GDAP2: variants seen among roughly 807,000 people sequenced by gnomAD.
GDAP2 encodes ganglioside-induced differentiation-associated protein 2.
A neutral mutation model predicts 67.0 loss-of-function variants in GDAP2; 51 were observed. The observed-to-expected ratio is 0.76, with a 90% CI of 0.61 to 0.96. The LOEUF is 0.96. Ranked by LOEUF, GDAP2 falls within the 40% of genes least tolerant of loss-of-function variation. The probability of loss-of-function intolerance (pLI) is 0.00; values close to 1 mark genes in which losing one functional copy is unlikely to be tolerated. For missense variants in GDAP2, 547 were observed against 588.3 expected, an observed-to-expected ratio of 0.93 and a Z score of 0.73; for synonymous variants, 203 against 207.3, an observed-to-expected ratio of 0.98 and a Z score of 0.18.
At chr1:117,887,212 G>A (rs1474037625) in intron 9 of GDAP2, among the ~76,000 whole-genome samples, 1 of 152,062 alleles carries the variant, frequency 6.6e-6, no homozygotes, top group Non-Finnish European at 1.5e-5. Flanking sequence ...TTACAGATAT[G>A]AGCCACGATG....
Position 117,864,306 on chromosome 1 carries a change from C to T in GDAP2, c.*6263G>A, listed in dbSNP as rs188183285. On this transcript the variant is annotated 3_prime_UTR_variant, in exon 14 of 14. Transcript: ENST00000369443. ...CCAGTTCTACATTAGTGGTGGAAGG[C>T]TTATGGAGAACAGAGGCTGTTTTAA... The T allele has an allele frequency of 3.3e-5, 5 of 152,264 alleles. No individual in the cohort carries two copies. Among genetic ancestry groups the T allele is most frequent in the Non-Finnish European group, 7.3e-5 (5 of 68,036 alleles). The allele number at this position is 152,264 out of a possible 1,614,324, so 9.4% of individuals were successfully genotyped here.
chr1:117,894,234 C>T (rs889006244), intron 8 of GDAP2, among the ~76,000 whole-genome samples: 2 of 152,044 alleles, frequency 1.3e-5, no homozygotes, highest in African/African-American at 4.8e-5. Flanking sequence ...CCACCACCTC[C>T]TGGGCTCCTC....
At chr1:117,920,454 T>C (rs561795863) in intron 1 of GDAP2, 30 bp from the exon 2 acceptor site, 3 of 736,878 alleles carry the variant, frequency 4.1e-6, no homozygotes, top group South Asian at 4.2e-5. Context: ...ATCACTTTAA[T>C]AGAGAAGCAC....
Position 117,884,647 on chromosome 1 carries a change from T to C in GDAP2, c.1108-1020A>G, listed in dbSNP as rs900937515. Among the ~76,000 whole-genome samples, 8 of 152,154 alleles carry C rather than the reference T, an allele frequency of 5.3e-5. 1 individual carries two copies. The highest frequency in any genetic ancestry group is 4.6e-4 in the Admixed American group (7 of 15,250). Reference sequence around the variant, plus strand: ...TACAGGAAATGATACATCATGAATATCCAGAACCCCATGCAAGTACACACC... The same window carrying C: ...TACAGGAAATGATACATCATGAATACCCAGAACCCCATGCAAGTACACACC... On this transcript the variant is annotated intron_variant, in intron 10 of 13. Coordinates refer to ENST00000369443, the MANE Select transcript of GDAP2 (RefSeq NM_017686.4).
intron 4 of GDAP2, among the ~76,000 whole-genome samples, 191 bp from the exon 5 acceptor site, chr1:117,912,273 G>C (rs534992153): frequency 1.1e-3 from 162 of 152,160 alleles, no homozygotes; most frequent in African/African-American, 3.9e-3. Flanking sequence ...CTCTTTGGAG[G>C]ATATATATCT....
intron 5 of GDAP2, among the ~76,000 whole-genome samples, chr1:117,907,844 T>C (rs1354298803): frequency 6.6e-6 from 1 of 152,134 alleles, no homozygotes; most frequent in Non-Finnish European, 1.5e-5. Context: ...GTTACCCTTT[T>C]TAATAAACAC....
Position 117,906,535 on chromosome 1 carries a change from C to T in GDAP2, c.607G>A (p.Val203Ile). 6.3e-7 allele frequency: 1 copy of T among 1,579,310 alleles called. No homozygotes were observed. Among genetic ancestry groups the T allele is most frequent in the Non-Finnish European group, 8.7e-7 (1 of 1,151,266 alleles). ...TCAAGATCAGAGACAGCAAATACTA[C>T]TTTTTCAATGGTTTCCCCATGAATC... ...LEIHGETIEK[V>I]VFAVSDLEEG... Residue 203 changes from valine (V) to isoleucine (I), a missense_variant, in exon 6 of 14, where the codon GTA becomes ATA. Physicochemically the swap from Val to Ile is conservative, Grantham distance 29. Coordinates refer to ENST00000369443, the MANE Select transcript of GDAP2 (RefSeq NM_017686.4).
chr1:117,866,455 T>C lies in GDAP2; in HGVS notation c.*4114A>G, dbSNP rs1288323081. On this transcript the variant is annotated 3_prime_UTR_variant, in exon 14 of 14. Coordinates refer to ENST00000369443, the MANE Select transcript of GDAP2 (RefSeq NM_017686.4). ...AGCCCTCCTTTCATTCTTCATGGTC[T>C]TTTTGCAAAACAAGAGTTAATTATA... 6.6e-6 allele frequency: 1 copy of C among 152,318 alleles called. No individual in the cohort carries two copies. The highest frequency in any genetic ancestry group is 1.5e-5 in the Non-Finnish European group (1 of 68,024). 9.4% of individuals were successfully genotyped at this position (152,318 alleles called of 1,614,324 possible). A position where few individuals can be genotyped will look rare whatever the true frequency, so the allele number is the denominator to read the frequency against.
At chr1:117,871,069 T>C (rs1648242751) in intron 13 of GDAP2, among the ~76,000 whole-genome samples, 1 of 152,214 alleles carries the variant, frequency 6.6e-6, no homozygotes, top group Non-Finnish European at 1.5e-5. Context: ...TGTTAGATTG[T>C]GTTGTCTTAC....
chr1:117,910,441 T>TTATAAAATATACAAATTTAC (rs1649812570), intron 5 of GDAP2, among the ~76,000 whole-genome samples: 1 of 152,186 alleles, frequency 6.6e-6, no homozygotes, highest in Non-Finnish European at 1.5e-5. Flanking sequence ...ATAAGCTTAA[T>TTATAAAATATACAAATTTAC]TATAAAATAT....
chr1:117,886,847 G>T (rs889590767), intron 9 of GDAP2, among the ~76,000 whole-genome samples, 194 bp from the exon 10 acceptor site: 5 of 152,084 alleles, frequency 3.3e-5, no homozygotes, highest in Non-Finnish European at 7.4e-5. Flanking sequence ...CTTCATGAGG[G>T]TTTTGATCAC....
chr1:117,885,920 T>C (rs908291060), intron 10 of GDAP2, among the ~76,000 whole-genome samples: 2 of 152,162 alleles, frequency 1.3e-5, no homozygotes, highest in Non-Finnish European at 2.9e-5. Flanking sequence ...TCAGGGCCTA[T>C]AGCTACTTCC....
At chr1:117,880,512 A>G (rs780383837) in intron 12 of GDAP2, among the ~76,000 whole-genome samples, 13 of 152,182 alleles carry the variant, frequency 8.5e-5, no homozygotes, top group Admixed American at 5.9e-4. Context: ...ATACTAAACA[A>G]TTTTGGTCGT....
intron 5 of GDAP2, among the ~76,000 whole-genome samples, chr1:117,908,437 A>G (rs1017428026): frequency 5.3e-5 from 8 of 152,082 alleles, no homozygotes; most frequent in Non-Finnish European, 1.0e-4. Context: ...GACTAAACAA[A>G]CACTCATAAC....
At chr1:117,885,535 G>A (rs1246318278) in intron 10 of GDAP2, among the ~76,000 whole-genome samples, 1 of 152,150 alleles carries the variant, frequency 6.6e-6, no homozygotes, top group Non-Finnish European at 1.5e-5. Context: ...AAGGGTCACA[G>A]AATATCCTAT....
At chr1:117,883,650 A>C (rs1267222862) in intron 10 of GDAP2, 23 bp from the exon 11 acceptor site, 2 of 1,565,792 alleles carry the variant, frequency 1.3e-6, no homozygotes, top group Non-Finnish European at 1.8e-6. Flanking sequence ...AGGGGAATAA[A>C]GGTGAAGATC....
rs114477571 is a variant in GDAP2, at chr1:117,886,522, C to G, written c.1107+55G>C. ...TAGGCCTTGATTCCAAATTCATATA[C>G]TACTTATTTTTTCAATCAACATTGT... On this transcript the variant is annotated intron_variant, in intron 10 of 13. Transcript: ENST00000369443. 2,783 of 930,996 alleles carry G rather than the reference C, an allele frequency of 3.0e-3. 54 individuals carry two copies. In the African/African-American group the frequency reaches 0.04, roughly 13 times the overall value. The allele number at this position is 930,996 out of a possible 1,614,324, so 57.7% of individuals were successfully genotyped here.
At position 117,868,021 on chromosome 1, in the gene GDAP2, A is replaced by G. The variant is rs924282191; in HGVS notation, c.*2548T>C. On this transcript the variant is annotated 3_prime_UTR_variant, in exon 14 of 14. Transcript: ENST00000369443. Reference sequence around the variant, plus strand: ...GCATGACCAAAGTTTAATTAAATTAAAGACTTGGTGGTGCTTTGAATTAAC... The same window carrying G: ...GCATGACCAAAGTTTAATTAAATTAGAGACTTGGTGGTGCTTTGAATTAAC... The G allele has an allele frequency of 2.6e-5, 4 of 152,244 alleles. No homozygotes were observed. Among genetic ancestry groups the G allele is most frequent in the African/African-American group, 9.6e-5 (4 of 41,462 alleles). 9.4% of individuals were successfully genotyped at this position (152,244 alleles called of 1,614,324 possible). A position where few individuals can be genotyped will look rare whatever the true frequency, so the allele number is the denominator to read the frequency against.
At chr1:117,921,939 A>T (rs1271301423) in intron 1 of GDAP2, among the ~76,000 whole-genome samples, 1 of 152,202 alleles carries the variant, frequency 6.6e-6, no homozygotes, top group Non-Finnish European at 1.5e-5. Flanking sequence ...AGCAGAACCA[A>T]AGATAACTTC....
Sources: gnomAD v4.1 joint callset for allele counts (sites outside exome capture counted in the v4.1 genomes callset) on GRCh38, gnomAD v4.1.1 for gene constraint, MANE v1.5 for transcripts, NCBI Gene and HGNC (gene_info 2026-07-23, HGNC 2026-07-21) for gene names.